Variants in PKD2L1 observed in about 807,000 individuals in gnomAD.
PKD2L1 encodes the protein polycystin-2-like protein 1.
PKD2L1 carries 77 observed loss-of-function variants against 93.0 expected under a neutral mutation model. That is an observed-to-expected ratio of 0.83 (90% CI 0.69 to 1.00). The LOEUF is 1.00. Ranked by LOEUF, PKD2L1 falls within the 50% of genes least tolerant of loss-of-function variation. The pLI is 0.00. For missense variants in PKD2L1, 977 were observed against 990.9 expected (o/e 0.99, Z 0.19); for synonymous variants, 390 against 388.0 (o/e 1.01, Z -0.06).
At position 100,293,388 on chromosome 10, in the gene PKD2L1, T is replaced by C; in HGVS notation, c.1660-9A>G. On this transcript the variant is annotated splice_polypyrimidine_tract_variant and intron_variant, in intron 9 of 15. Transcript: ENST00000318222. ...ATGGCCAGGAACATGTTCTGGAAAA[T>C]GAAGTGGGGACCTGGGTCCTCACCC... 2 of 1,581,658 alleles carry C rather than the reference T, an allele frequency of 1.3e-6. No homozygotes were observed. Among genetic ancestry groups the C allele is most frequent in the Admixed American group, 3.3e-5 (2 of 59,980 alleles).
At chr10:100,305,980 C>A (rs570799208) in intron 2 of PKD2L1, among the ~76,000 whole-genome samples, 1 of 151,784 alleles carries the variant, frequency 6.6e-6, no homozygotes, top group Non-Finnish European at 1.5e-5. Context: ...TCCAGGAGTT[C>A]GATATCAGCC....
chr10:100,315,919 C>A (rs1237980798), intron 2 of PKD2L1, among the ~76,000 whole-genome samples: 1 of 150,330 alleles, frequency 6.7e-6, no homozygotes, highest in Non-Finnish European at 1.5e-5. Flanking sequence ...GACTTAAAAA[C>A]AGTTAAAAAC....
At chr10:100,292,640 G>A (rs778173984) in intron 11 of PKD2L1, among the ~76,000 whole-genome samples, 7 of 152,210 alleles carry the variant, frequency 4.6e-5, no homozygotes, top group African/African-American at 7.2e-5. Flanking sequence ...TTGTGGGGAA[G>A]CATAGAACAA....
At chr10:100,321,627 C>T (rs1480414476) in intron 2 of PKD2L1, among the ~76,000 whole-genome samples, 3 of 132,742 alleles carry the variant, frequency 2.3e-5, no homozygotes, top group Admixed American at 1.7e-4. Context: ...GAGCTGAAAT[C>T]GTGCCACTGC....
At chr10:100,299,322 T>G (rs1039186099) in intron 3 of PKD2L1, among the ~76,000 whole-genome samples, 4 of 152,180 alleles carry the variant, frequency 2.6e-5, no homozygotes, top group Non-Finnish European at 5.9e-5. Context: ...GTGGCCCTAC[T>G]CTTTATTTAA....
intron 2 of PKD2L1, among the ~76,000 whole-genome samples, chr10:100,318,465 GT>G (rs1165865132): frequency 1.3e-5 from 2 of 151,820 alleles, no homozygotes; most frequent in Admixed American, 1.3e-4. Context: ...TACATCAGCA[GT>G]ACTCCAGCCT....
intron 2 of PKD2L1, among the ~76,000 whole-genome samples, chr10:100,319,293 T>A (rs1326623719): frequency 6.6e-6 from 1 of 152,268 alleles, no homozygotes; most frequent in Non-Finnish European, 1.5e-5. Flanking sequence ...TTATTCTCAC[T>A]TGAGGAATCA....
chr10:100,291,244 G>A (rs1309982274), intron 12 of PKD2L1, 57 bp downstream of exon 12: 2 of 1,562,966 alleles, frequency 1.3e-6, no homozygotes, highest in African/African-American at 2.7e-5. Flanking sequence ...TATGTTGGGG[G>A]AAGGAGAGGG....
intron 2 of PKD2L1, among the ~76,000 whole-genome samples, chr10:100,320,088 A>C (rs568986822): frequency 2.6e-5 from 4 of 152,232 alleles, no homozygotes; most frequent in Admixed American, 6.5e-5. Context: ...TCCATCCCTC[A>C]GAAAGAGCTC....
chr10:100,295,378 A>G (rs1848505589), intron 7 of PKD2L1, among the ~76,000 whole-genome samples: 1 of 144,866 alleles, frequency 6.9e-6, no homozygotes, highest in South Asian at 2.2e-4. Flanking sequence ...CTGAGATTGC[A>G]CCACTGCACT....
At chr10:100,314,264 CT>C (rs1337705507) in intron 2 of PKD2L1, among the ~76,000 whole-genome samples, 1 of 151,806 alleles carries the variant, frequency 6.6e-6, no homozygotes, top group African/African-American at 2.4e-5. Context: ...AGGGAGAGCC[CT>C]TTAAAAAAAA....
At chr10:100,296,067 A>C in intron 7 of PKD2L1, 55 bp downstream of exon 7, 1 of 1,435,986 alleles carries the variant, frequency 7.0e-7, no homozygotes. Context: ...AGAAAAGAAA[A>C]GAAGGGAGAA....
Position 100,298,699 on chromosome 10 carries a change from C to T in PKD2L1, c.594G>A (p.Pro198=), listed in dbSNP as rs368446869. 80 of 1,613,988 alleles carry T rather than the reference C, an allele frequency of 5.0e-5. No individual in the cohort carries two copies. The African/African-American group carries it at 8.3e-4, about 17-fold the overall frequency. ...IYYENMLLGV[P]RLRQLKVRND... Reference sequence around the variant, plus strand: ...TGCGGACCTTTAGCTGCCGCAGCCTCGGAACCCCCAGCAGCATGTTCTCAT... The same window carrying T: ...TGCGGACCTTTAGCTGCCGCAGCCTTGGAACCCCCAGCAGCATGTTCTCAT... The change falls in exon 4 of 16, where the codon CCG becomes CCA. Residue 198 remains proline, a synonymous_variant. Transcript: ENST00000318222.
chr10:100,300,958 G>C (rs556308054), intron 2 of PKD2L1, among the ~76,000 whole-genome samples: 30 of 152,176 alleles, frequency 2.0e-4, no homozygotes, highest in South Asian at 4.1e-4. Context: ...ATTCAACGTA[G>C]GTTCTTTTCT....
At chr10:100,318,284 T>C (rs1041117857) in intron 2 of PKD2L1, among the ~76,000 whole-genome samples, 2 of 152,212 alleles carry the variant, frequency 1.3e-5, no homozygotes, top group African/African-American at 4.8e-5. Flanking sequence ...TCCTATGTAA[T>C]GTCTCCCAGT....
intron 2 of PKD2L1, among the ~76,000 whole-genome samples, chr10:100,309,420 G>A (rs1416923110): frequency 6.6e-6 from 1 of 152,016 alleles, no homozygotes; most frequent in African/African-American, 2.4e-5. Context: ...TTTTTTGTCT[G>A]TATGTTTCCA....
intron 2 of PKD2L1, among the ~76,000 whole-genome samples, chr10:100,317,315 G>C (rs1849120774): frequency 1.3e-5 from 2 of 148,204 alleles, no homozygotes; most frequent in African/African-American, 5.1e-5. Context: ...CAAGGCAGGA[G>C]GATCACTTAC....
intron 2 of PKD2L1, among the ~76,000 whole-genome samples, chr10:100,307,201 A>T (rs1848823974): frequency 6.6e-6 from 1 of 152,170 alleles, no homozygotes; most frequent in Non-Finnish European, 1.5e-5. Flanking sequence ...ATTTAATCCT[A>T]CTACAGCCTT....
chr10:100,295,185 A>G (rs796968319), intron 7 of PKD2L1, 62 bp from the exon 8 acceptor site: 1 of 1,429,622 alleles, frequency 7.0e-7, no homozygotes, highest in South Asian at 1.2e-5. Context: ...TGAAAAGTCC[A>G]TGCCAAGGGC....
Sources: allele counts gnomAD v4.1 joint callset (sites outside exome capture counted in the v4.1 genomes callset), GRCh38; gene constraint gnomAD v4.1.1; transcripts MANE v1.5; gene names NCBI Gene and HGNC (gene_info 2026-07-23, HGNC 2026-07-21).